PTPRR: variants seen among roughly 807,000 people sequenced by gnomAD.
PTPRR encodes the protein receptor-type tyrosine-protein phosphatase R.
A neutral mutation model predicts 77.2 loss-of-function variants in PTPRR; 38 were observed. The ratio of observed to expected loss-of-function variants is 0.49; its 90% CI spans 0.38 to 0.65. The LOEUF (loss-of-function observed/expected upper bound fraction) is 0.65. Among genes scored for constraint, PTPRR ranks in the 30% least tolerant of loss-of-function variants. PTPRR has a pLI of 0.00. For missense variants in PTPRR, 744 were observed against 799.2 expected (o/e 0.93, Z 0.83); for synonymous variants, 299 against 283.1 (o/e 1.06, Z -0.57).
Position 70,701,332 on chromosome 12 carries a change from G to A in PTPRR, c.1008-9C>T. On this transcript the variant is annotated splice_polypyrimidine_tract_variant and intron_variant, in intron 6 of 13. Transcript: ENST00000283228. ...ATACGTTGGACCCTCTTCTACATTG[G>A]AGAAGAATGTTATGTTTAAACACCA... The A allele has an allele frequency of 6.2e-7, 1 of 1,609,388 alleles. No homozygotes were observed. Among genetic ancestry groups the A allele is most frequent in the Admixed American group, 1.7e-5 (1 of 59,856 alleles).
chr12:70,715,458 C>T (rs191667193), intron 6 of PTPRR, among the ~76,000 whole-genome samples: 70 of 152,168 alleles, frequency 4.6e-4, no homozygotes, highest in African/African-American at 1.4e-3. Flanking sequence ...TGAGAGCAAC[C>T]GGTCTGACCA....
intron 1 of PTPRR, among the ~76,000 whole-genome samples, chr12:70,895,518 G>A (rs1893412290): frequency 6.6e-6 from 1 of 151,418 alleles, no homozygotes. Context: ...CCTTGTTCCT[G>A]AGTAATGAGT....
At chr12:70,818,868 T>G (rs1228709866) in intron 2 of PTPRR, among the ~76,000 whole-genome samples, 1 of 152,202 alleles carries the variant, frequency 6.6e-6, no homozygotes, top group Admixed American at 6.5e-5. Flanking sequence ...AATTTTAGAT[T>G]TTTTGTCTTT....
At chr12:70,674,215 A>G (rs1455760634) in intron 10 of PTPRR, among the ~76,000 whole-genome samples, 1 of 152,152 alleles carries the variant, frequency 6.6e-6, no homozygotes, top group African/African-American at 2.4e-5. Context: ...GATTACAGAA[A>G]TGAGCCACCA....
intron 2 of PTPRR, among the ~76,000 whole-genome samples, chr12:70,850,303 G>A (rs1361429661): frequency 6.6e-6 from 1 of 151,836 alleles, no homozygotes. Context: ...AGGTTGCAGT[G>A]AGCTGAGATC....
intron 2 of PTPRR, among the ~76,000 whole-genome samples, chr12:70,874,651 C>T (rs778010032): frequency 2.1e-4 from 32 of 152,078 alleles, no homozygotes; most frequent in Non-Finnish European, 4.0e-4. Context: ...CGGCCAGGCA[C>T]GGTGGCTCAC....
chr12:70,819,565 A>G (rs1384886232), intron 2 of PTPRR, among the ~76,000 whole-genome samples: 1 of 152,214 alleles, frequency 6.6e-6, no homozygotes, highest in Non-Finnish European at 1.5e-5. Context: ...TAAGATGTAG[A>G]CCAGTAAGTC....
intron 6 of PTPRR, among the ~76,000 whole-genome samples, chr12:70,742,363 C>A (rs1282670530): frequency 6.6e-6 from 1 of 152,130 alleles, no homozygotes; most frequent in Non-Finnish European, 1.5e-5. Flanking sequence ...GACCCAGATT[C>A]ATGCCCACTA....
chr12:70,896,605 A>G (rs1893432841), intron 1 of PTPRR, among the ~76,000 whole-genome samples: 1 of 151,810 alleles, frequency 6.6e-6, no homozygotes, highest in East Asian at 1.9e-4. Flanking sequence ...AAATTAAAAA[A>G]ACACATTTCT....
chr12:70,819,961 T>C (rs1312151866), intron 2 of PTPRR, among the ~76,000 whole-genome samples: 1 of 152,176 alleles, frequency 6.6e-6, no homozygotes, highest in South Asian at 2.1e-4. Flanking sequence ...AGATCAACTA[T>C]TTTTTGAAAC....
At chr12:70,877,462 T>G (rs1893070633) in intron 2 of PTPRR, among the ~76,000 whole-genome samples, 2 of 152,112 alleles carry the variant, frequency 1.3e-5, no homozygotes, top group Admixed American at 6.6e-5. Flanking sequence ...AAGAATCAAA[T>G]GAGGTATCCA....
intron 5 of PTPRR, 128 bp from the exon 6 acceptor site, chr12:70,746,214 G>A: frequency 1.2e-6 from 1 of 869,332 alleles, no homozygotes; most frequent in Non-Finnish European, 1.7e-6. Flanking sequence ...AAAGCCCTCT[G>A]AGAGATGATT....
intron 2 of PTPRR, among the ~76,000 whole-genome samples, chr12:70,775,295 G>C (rs915228549): frequency 1.3e-5 from 2 of 152,094 alleles, no homozygotes; most frequent in Admixed American, 6.5e-5. Context: ...CCCCACTACT[G>C]TTCCCCTCCA....
At chr12:70,897,390 A>T (rs1230303321) in intron 1 of PTPRR, among the ~76,000 whole-genome samples, 1 of 152,072 alleles carries the variant, frequency 6.6e-6, no homozygotes, top group Non-Finnish European at 1.5e-5. Flanking sequence ...TGCAGCCAAA[A>T]AACACATGAA....
At chr12:70,723,727 T>C (rs1210738520) in intron 6 of PTPRR, among the ~76,000 whole-genome samples, 2 of 152,180 alleles carry the variant, frequency 1.3e-5, no homozygotes, top group African/African-American at 4.8e-5. Flanking sequence ...TTTAAAGATT[T>C]TTCTTATTTC....
At chr12:70,745,784 A>G (rs763983085) in intron 6 of PTPRR, 34 bp downstream of exon 6, 12 of 1,576,248 alleles carry the variant, frequency 7.6e-6, no homozygotes, top group African/African-American at 1.4e-5. Flanking sequence ...TTTTATAAAA[A>G]GCCACACGTA....
At chr12:70,900,775 C>T (rs1379090401) in intron 1 of PTPRR, among the ~76,000 whole-genome samples, 1 of 151,504 alleles carries the variant, frequency 6.6e-6, no homozygotes, top group Non-Finnish European at 1.5e-5. Flanking sequence ...TGAAAATATG[C>T]TCAGCATCAC....
At chr12:70,839,332 T>C (rs1892356192) in intron 2 of PTPRR, among the ~76,000 whole-genome samples, 1 of 152,020 alleles carries the variant, frequency 6.6e-6, no homozygotes, top group African/African-American at 2.4e-5. Flanking sequence ...TGTGTGTGTG[T>C]GTGTGTGTTA....
At chr12:70,704,831 T>C (rs1268313798) in intron 6 of PTPRR, among the ~76,000 whole-genome samples, 1 of 152,042 alleles carries the variant, frequency 6.6e-6, no homozygotes, top group Non-Finnish European at 1.5e-5. Flanking sequence ...AAAAGGAATG[T>C]GGAAAGCAAG....
Sources: gnomAD v4.1 joint callset for allele counts (sites outside exome capture counted in the v4.1 genomes callset) on GRCh38, gnomAD v4.1.1 for gene constraint, MANE v1.5 for transcripts, NCBI Gene and HGNC (gene_info 2026-07-23, HGNC 2026-07-21) for gene names.